ATRNL1: variants seen among roughly 807,000 people sequenced by gnomAD.
The protein encoded by ATRNL1 is attractin-like protein 1.
ATRNL1 carries 95 observed loss-of-function variants against 182.7 expected under a neutral mutation model. The observed-to-expected ratio is 0.52, with a 90% CI of 0.44 to 0.62. ATRNL1 has a LOEUF of 0.62. Ranked by LOEUF, ATRNL1 falls within the 20% of genes least tolerant of loss-of-function variation. The pLI is 0.00. For synonymous variants in ATRNL1, 576 were observed against 568.3 expected, an observed-to-expected ratio of 1.01 and a Z score of -0.19; for missense variants, 1,471 against 1,679.5, an observed-to-expected ratio of 0.88 and a Z score of 2.17.
intron 9 of ATRNL1, among the ~76,000 whole-genome samples, chr10:115,229,863 G>C (rs553777658): frequency 6.6e-6 from 1 of 152,136 alleles, no homozygotes; most frequent in East Asian, 1.9e-4. Flanking sequence ...ATGGACAAAA[G>C]ACTGTATGAT....
chr10:115,421,446 T>C (rs898261669), intron 20 of ATRNL1, among the ~76,000 whole-genome samples: 13 of 152,116 alleles, frequency 8.5e-5, no homozygotes, highest in Non-Finnish European at 1.8e-4. Context: ...ACAAAAACCA[T>C]AGGATCATCT....
At chr10:115,828,139 G>A (rs1193900004) in intron 27 of ATRNL1, among the ~76,000 whole-genome samples, 2 of 152,156 alleles carry the variant, frequency 1.3e-5, no homozygotes, top group Non-Finnish European at 2.9e-5. Context: ...CCAACATGGA[G>A]AAACCTTGTC....
intron 19 of ATRNL1, among the ~76,000 whole-genome samples, chr10:115,368,281 C>T (rs556303680): frequency 3.3e-4 from 51 of 152,290 alleles, no homozygotes; most frequent in Admixed American, 1.8e-3. Flanking sequence ...GGGAGTGACC[C>T]GATTTTCCAG....
At chr10:115,911,270 G>A (rs1952669185) in intron 28 of ATRNL1, among the ~76,000 whole-genome samples, 1 of 151,940 alleles carries the variant, frequency 6.6e-6, no homozygotes, top group South Asian at 2.1e-4. Flanking sequence ...AAAGTGCTAG[G>A]ATTACAGACA....
chr10:115,527,922 T>TTCCTC (rs1851318009), intron 25 of ATRNL1, among the ~76,000 whole-genome samples: 2 of 63,484 alleles, frequency 3.2e-5, no homozygotes, highest in African/African-American at 1.1e-4. Flanking sequence ...CTTCCTCCCT[T>TTCCTC]CCTCCCTCCT....
At chr10:115,347,686 T>C (rs1856040008) in intron 19 of ATRNL1, among the ~76,000 whole-genome samples, 1 of 152,080 alleles carries the variant, frequency 6.6e-6, no homozygotes, top group African/African-American at 2.4e-5. Context: ...AACATTATTG[T>C]CAATTATTAT....
intron 27 of ATRNL1, among the ~76,000 whole-genome samples, chr10:115,827,361 A>G (rs1004909012): frequency 3.9e-5 from 6 of 152,274 alleles, no homozygotes; most frequent in African/African-American, 9.6e-5. Context: ...CTGGGATTTC[A>G]CAGTTTAAAA....
chr10:115,616,099 G>T (rs61881093), intron 26 of ATRNL1, among the ~76,000 whole-genome samples: 25,306 of 152,146 alleles, frequency 0.17, 2,644 homozygotes, highest in South Asian at 0.24. Context: ...GACAGTAAAG[G>T]TGAGGCTGAT....
chr10:115,494,809 A>G (rs1554977717), intron 24 of ATRNL1, among the ~76,000 whole-genome samples: 2 of 151,812 alleles, frequency 1.3e-5, no homozygotes, highest in Non-Finnish European at 2.9e-5. Flanking sequence ...TCCTTTTTTC[A>G]TTGTGTCTTT....
chr10:115,264,615 T>C (rs994267140), intron 10 of ATRNL1, among the ~76,000 whole-genome samples: 4 of 151,598 alleles, frequency 2.6e-5, no homozygotes, highest in Non-Finnish European at 5.9e-5. Context: ...AGTTTCTATA[T>C]AGTTCATAGA....
At chr10:115,796,499 A>G (rs539812918) in intron 27 of ATRNL1, among the ~76,000 whole-genome samples, 1 of 152,304 alleles carries the variant, frequency 6.6e-6, no homozygotes, top group South Asian at 2.1e-4. Flanking sequence ...ACTGGACTGA[A>G]GTTCATGGCC....
At chr10:115,368,911 A>G (rs113532213) in intron 19 of ATRNL1, among the ~76,000 whole-genome samples, 24 of 151,896 alleles carry the variant, frequency 1.6e-4, no homozygotes, top group African/African-American at 5.5e-4. Flanking sequence ...ACGGGGTTTC[A>G]CCATGTTGGT....
At chr10:115,239,251 G>A (rs1376174106) in intron 9 of ATRNL1, among the ~76,000 whole-genome samples, 1 of 151,508 alleles carries the variant, frequency 6.6e-6, no homozygotes, top group East Asian at 1.9e-4. Context: ...TTTATTTTTT[G>A]TGATGGAGTC....
intron 26 of ATRNL1, among the ~76,000 whole-genome samples, chr10:115,658,669 G>C (rs1565258065): frequency 6.6e-6 from 1 of 152,106 alleles, no homozygotes; most frequent in Non-Finnish European, 1.5e-5. Flanking sequence ...AAGCACACTA[G>C]TGAGGTAAAG....
chr10:115,850,191 A>G (rs1951022368), intron 28 of ATRNL1, among the ~76,000 whole-genome samples: 1 of 152,190 alleles, frequency 6.6e-6, no homozygotes, highest in African/African-American at 2.4e-5. Flanking sequence ...CAAGTAAAGT[A>G]AAATGTTAAT....
intron 27 of ATRNL1, among the ~76,000 whole-genome samples, chr10:115,839,169 T>C (rs2134332635): frequency 6.6e-6 from 1 of 152,308 alleles, no homozygotes; most frequent in East Asian, 1.9e-4. Context: ...AATGTTTTAA[T>C]TTAATGTTCC....
intron 26 of ATRNL1, among the ~76,000 whole-genome samples, chr10:115,652,826 A>C (rs1860096879): frequency 1.3e-5 from 2 of 152,114 alleles, no homozygotes; most frequent in African/African-American, 4.8e-5. Flanking sequence ...AGGTTATCTT[A>C]TGTTTTAACT....
chr10:115,119,050 TG>T (rs782178127), intron 1 of ATRNL1, among the ~76,000 whole-genome samples: 35 of 152,284 alleles, frequency 2.3e-4, no homozygotes, highest in Middle Eastern at 3.4e-3. Context: ...CAACACATTG[TG>T]TTTATAGTGG....
At chr10:115,160,582 C>G (rs1406910879) in intron 6 of ATRNL1, among the ~76,000 whole-genome samples, 1 of 151,448 alleles carries the variant, frequency 6.6e-6, no homozygotes, top group African/African-American at 2.4e-5. Context: ...TCAATTTGTT[C>G]TGTAAATTTT....
Sources: gnomAD v4.1 joint callset for allele counts (sites outside exome capture counted in the v4.1 genomes callset) on GRCh38, gnomAD v4.1.1 for gene constraint, MANE v1.5 for transcripts, NCBI Gene and HGNC (gene_info 2026-07-23, HGNC 2026-07-21) for gene names.